PTPN23: variants seen among roughly 807,000 people sequenced by gnomAD.
PTPN23 encodes tyrosine-protein phosphatase non-receptor type 23.
In PTPN23, 72 loss-of-function variants were observed where a neutral mutation model predicts 156.3. That is an observed-to-expected ratio of 0.46 (90% CI 0.38 to 0.56). The LOEUF is 0.56. Ranked by LOEUF, PTPN23 falls within the 20% of genes least tolerant of loss-of-function variation. The pLI is 0.00. For missense variants in PTPN23, 1,974 were observed against 2,171.5 expected (o/e 0.91, Z 1.81); for synonymous variants, 957 against 899.6 (o/e 1.06, Z -1.14).
rs144727132 is a variant in PTPN23, at chr3:47,401,834, C to T, written c.160-2818C>T. Among the ~76,000 whole-genome samples the T allele has an allele frequency of 6.7e-3, 1,024 of 152,312 alleles. 9 individuals carry two copies. Among genetic ancestry groups the T allele is most frequent in the Non-Finnish European group, 0.011 (726 of 68,042 alleles). ...TTATCATCCCTGTTTAAAGAAGAGA[C>T]TGAGTTTCAGAGTCTCCCAAGACAC... On this transcript the variant is annotated intron_variant, in intron 2 of 24. Coordinates refer to ENST00000265562, the MANE Select transcript of PTPN23 (RefSeq NM_015466.4).
chr3:47,392,243 TG>T (rs1433429800), intron 1 of PTPN23, among the ~76,000 whole-genome samples: 1 of 152,102 alleles, frequency 6.6e-6, no homozygotes, highest in Non-Finnish European at 1.5e-5. Flanking sequence ...TGAAGTAAGG[TG>T]GTGCCATCAT....
At position 47,412,756 on chromosome 3, in the gene PTPN23, C is replaced by T; in HGVS notation, c.4482C>T (p.Pro1494=). ...SQDLVLGGDV[P]ISSIQATIAK... is the part of the protein sequence containing the mutation. The stretch of plus-strand genomic sequence containing the variant: ...ACCTGGTCCTCGGTGGGGATGTGCC[C>T]ATCAGCTCCATCCAGGCCACCATTG... The change falls in exon 25 of 25, where the codon CCC becomes CCT. Residue 1494 remains proline (P), a synonymous_variant. Transcript: ENST00000265562. 6.2e-7 allele frequency: 1 copy of T among 1,610,350 alleles called. No individual in the cohort carries two copies. The highest frequency in any genetic ancestry group is 8.5e-7 in the Non-Finnish European group (1 of 1,177,826).
chr3:47,399,106 G>A lies in PTPN23; in HGVS notation c.159+2889G>A, dbSNP rs572426409. Among the ~76,000 whole-genome samples, 4 of 152,346 alleles carry A rather than the reference G, an allele frequency of 2.6e-5. No individual in the cohort carries two copies. The South Asian group carries it at 8.3e-4, about 32-fold the overall frequency. On this transcript the variant is annotated intron_variant, in intron 2 of 24. Transcript: ENST00000265562. ...TACAGCCGTGGAGGGAGGTGCAATA[G>A]TGGAGGAGCTGCCTCTTTCTCTGTA...
At position 47,405,734 on chromosome 3, in the gene PTPN23, CCCCT is replaced by C. The variant is rs761289872; in HGVS notation, c.365-7_365-4del. On this transcript the variant is annotated splice_polypyrimidine_tract_variant and intron_variant, in intron 4 of 24. Coordinates refer to ENST00000265562, the MANE Select transcript of PTPN23 (RefSeq NM_015466.4). This position sits in a 1 kb window ranked among gnomAD's most constrained non-coding sequence, Gnocchi z 4.7. ...AGCAGCCCCAGGCCCCTAACACTGT[CCCCT>C]CCCTCCCCAGGAGCGCTGCACTCCA... 4.4e-6 allele frequency: 7 copies of C among 1,598,600 alleles called. No individual in the cohort carries two copies. Among genetic ancestry groups the C allele is most frequent in the Non-Finnish European group, 5.1e-6 (6 of 1,173,478 alleles).
Position 47,396,088 on chromosome 3 carries a change from G to A in PTPN23, c.85-55G>A, listed in dbSNP as rs1324175238. The A allele has an allele frequency of 4.8e-6, 7 of 1,455,130 alleles. No homozygotes were observed. The Admixed American group carries it at 1.3e-4, about 26-fold the overall frequency. The allele number at this position is 1,455,130 out of a possible 1,614,324, so 90.1% of individuals were successfully genotyped here. ...CTGGTTGGTGCTTGCCCAGGACTCA[G>A]AGGGCAAGGCGGGGGTCTTCTCTGC... is the stretch of plus-strand genomic sequence containing the variant. On this transcript the variant is annotated intron_variant, in intron 1 of 24. Transcript: ENST00000265562.
rs1704523198 is a variant in PTPN23 at position 47,381,045 on chromosome 3, G to A, written c.-52G>A. On this transcript the variant is annotated 5_prime_UTR_variant, in exon 1 of 25. Transcript: ENST00000265562. ...CGGGGCTGGGCTCGTGGCTGAGCCA[G>A]CAGCTGCAGCAGCTACGGGAGTGGC... is the stretch of plus-strand genomic sequence containing the variant. The A allele has an allele frequency of 6.5e-7, 1 of 1,550,254 alleles. No homozygotes were observed. The highest frequency in any genetic ancestry group is 8.7e-7 in the Non-Finnish European group (1 of 1,146,912).
intron 1 of PTPN23, among the ~76,000 whole-genome samples, chr3:47,390,452 T>G (rs1025378125): frequency 6.6e-6 from 1 of 152,220 alleles, no homozygotes; most frequent in East Asian, 1.9e-4. Context: ...TTCTCTGGTC[T>G]TCTTCCTGTT....
chr3:47,383,986 C>T (rs2107689873), intron 1 of PTPN23, among the ~76,000 whole-genome samples: 1 of 152,280 alleles, frequency 6.6e-6, no homozygotes, highest in African/African-American at 2.4e-5. Flanking sequence ...GTGGGAACCT[C>T]TGCCAGTGAA....
Position 47,410,436 on chromosome 3 carries a change from G to GCCA in PTPN23, c.2646_2648dup (p.Thr883dup). On this transcript the variant is annotated inframe_insertion, in exon 20 of 25. Transcript: ENST00000265562. The stretch of plus-strand genomic sequence containing the variant: ...CGAGTTGGCCATGGCGGTTCGGCCA[G>GCCA]CCACCACCACAGTAGATAGCATCCA... 1 of 1,611,308 alleles carries GCCA rather than the reference G, an allele frequency of 6.2e-7. No individual in the cohort carries two copies. The highest frequency in any genetic ancestry group is 8.5e-7 in the Non-Finnish European group (1 of 1,179,348).
intron 1 of PTPN23, among the ~76,000 whole-genome samples, chr3:47,384,410 A>T (rs1424075746): frequency 2.3e-5 from 3 of 132,838 alleles, no homozygotes; most frequent in Admixed American, 9.0e-5. Flanking sequence ...GTGAGCCAGG[A>T]TCGTGCCACT....
At position 47,407,664 on chromosome 3, in the gene PTPN23, T is replaced by C. The variant is rs1474362074; in HGVS notation, c.1004-33T>C. ...AGGAGGCTGCCTCAAGGACTCTGCG[T>C]GGGCCTGATCTCCACAATTCCCACC... On this transcript the variant is annotated intron_variant, in intron 12 of 24. Transcript: ENST00000265562. The surrounding 1 kb of genome is among the most constrained non-coding windows in gnomAD (Gnocchi z 4.0). 2 of 1,609,292 alleles carry C rather than the reference T, an allele frequency of 1.2e-6. No individual in the cohort carries two copies. The highest frequency in any genetic ancestry group is 2.7e-5 in the African/African-American group (2 of 74,778).
At chr3:47,403,362 CT>C (rs914580109) in intron 2 of PTPN23, among the ~76,000 whole-genome samples, 48 of 149,678 alleles carry the variant, frequency 3.2e-4, no homozygotes, top group South Asian at 1.1e-3. Context: ...ACATTCTTTT[CT>C]TTTTTTTTTC....
chr3:47,409,696 C>A lies in PTPN23; in HGVS notation c.1991C>A (p.Ala664Asp). Residue 664 changes from alanine to aspartate, a missense_variant, in exon 19 of 25, where the codon GCC becomes GAC. By Grantham distance (126) the Ala-to-Asp change is moderately radical. Around this residue, in one of 4 missense-constraint regions of PTPN23, gnomAD observed 726 missense variants for 929.5 expected, o/e 0.78. Coordinates refer to ENST00000265562, the MANE Select transcript of PTPN23 (RefSeq NM_015466.4). ...CAGACCCTGGTGGCCTCGTATGAAG[C>A]CTATGAGGACCTGATGAAGAAGTCG... ...TLQTLVASYEAYEDLMKKSQE... is the reference protein window; with the variant it reads ...TLQTLVASYEDYEDLMKKSQE... The A allele has an allele frequency of 6.2e-7, 1 of 1,609,316 alleles. No individual in the cohort carries two copies. Among genetic ancestry groups the A allele is most frequent in the Non-Finnish European group, 8.5e-7 (1 of 1,179,844 alleles).
chr3:47,413,237 A>G lies in PTPN23; in HGVS notation c.*52A>G, dbSNP rs1705376799. ...ACTACATCATCATCATCTCATGCCC[A>G]CCTGCCCACACCCAGCAGAGCTTCT... On this transcript the variant is annotated 3_prime_UTR_variant, in exon 25 of 25. Coordinates refer to ENST00000265562, the MANE Select transcript of PTPN23 (RefSeq NM_015466.4). The G allele has an allele frequency of 6.4e-7, 1 of 1,552,264 alleles. No homozygotes were observed. Among genetic ancestry groups the G allele is most frequent in the Admixed American group, 1.8e-5 (1 of 54,508 alleles).
rs1173925552 is a variant in PTPN23, at chr3:47,411,929, C to G, written c.4035C>G (p.Arg1345=). The G allele has an allele frequency of 6.2e-7, 1 of 1,613,240 alleles. No homozygotes were observed. The highest frequency in any genetic ancestry group is 8.5e-7 in the Non-Finnish European group (1 of 1,179,864). Residue 1345 remains arginine, a synonymous_variant, in exon 21 of 25, where the codon CGC becomes CGG. Coordinates refer to ENST00000265562, the MANE Select transcript of PTPN23 (RefSeq NM_015466.4). This position sits in a 1 kb window ranked among gnomAD's most constrained non-coding sequence, Gnocchi z 6.3. ...SLQFRDQSLK[R]SLVHLHFPTW... ...AGTTCCGAGACCAGAGCCTCAAGCG[C>G]TCTCTTGTGCACCTGCACTTCCCCA...
Position 47,405,286 on chromosome 3 carries a change from C to G in PTPN23, c.364+205C>G. ...GGGGAGCCTCTGCTGGGGCGAGGCT[C>G]TACTGGGCTGGCTGCCACACAGAGT... On this transcript the variant is annotated intron_variant, in intron 4 of 24. Coordinates refer to ENST00000265562, the MANE Select transcript of PTPN23 (RefSeq NM_015466.4). This position sits in a 1 kb window ranked among gnomAD's most constrained non-coding sequence, Gnocchi z 4.7. 1.7e-6 allele frequency: 1 copy of G among 598,054 alleles called. No homozygotes were observed. Among genetic ancestry groups the G allele is most frequent in the South Asian group, 2.0e-5 (1 of 50,758 alleles). 37.0% of individuals were successfully genotyped at this position (598,054 alleles called of 1,614,324 possible).
Position 47,406,303 on chromosome 3 carries a change from T to G in PTPN23, c.547-22T>G. The G allele has an allele frequency of 3.7e-6, 6 of 1,612,388 alleles. No homozygotes were observed. Among genetic ancestry groups the G allele is most frequent in the Non-Finnish European group, 5.1e-6 (6 of 1,179,606 alleles). Reference sequence around the variant, plus strand: ...GGGAGGCCTTGGGTGAGCGAGGGAGTGCACCTCACGTGTCGCCCCAGGGCC... The same window carrying G: ...GGGAGGCCTTGGGTGAGCGAGGGAGGGCACCTCACGTGTCGCCCCAGGGCC... On this transcript the variant is annotated intron_variant, in intron 6 of 24. Transcript: ENST00000265562. This position sits in a 1 kb window ranked among gnomAD's most constrained non-coding sequence, Gnocchi z 5.8.
chr3:47,405,275 G>A lies in PTPN23; in HGVS notation c.364+194G>A, dbSNP rs1705095337. ...GCTGGGCCCGTGGGGAGCCTCTGCTGGGGCGAGGCTCTACTGGGCTGGCTG... is the reference window on the plus strand; with the variant it reads ...GCTGGGCCCGTGGGGAGCCTCTGCTAGGGCGAGGCTCTACTGGGCTGGCTG... On this transcript the variant is annotated intron_variant, in intron 4 of 24. Coordinates refer to ENST00000265562, the MANE Select transcript of PTPN23 (RefSeq NM_015466.4). This position sits in a 1 kb window ranked among gnomAD's most constrained non-coding sequence, Gnocchi z 4.7. The A allele has an allele frequency of 3.3e-6, 2 of 609,750 alleles. No individual in the cohort carries two copies. Among genetic ancestry groups the A allele is most frequent in the East Asian group, 2.8e-5 (1 of 35,974 alleles). The allele number at this position is 609,750 out of a possible 1,614,324, so 37.8% of individuals were successfully genotyped here.
chr3:47,381,305 G>T, intron 1 of PTPN23, 125 bp downstream of exon 1: 1 of 1,350,186 alleles, frequency 7.4e-7, no homozygotes, highest in Non-Finnish European at 1.0e-6. Flanking sequence ...AGGCCAGGAG[G>T]GGCCTTCGCC....
Sources: gnomAD v4.1 joint callset for allele counts (sites outside exome capture counted in the v4.1 genomes callset) on GRCh38, gnomAD v4.1.1 for gene constraint, gnomAD v4.1.1 regional missense constraint, Gnocchi (gnomAD v3.1) non-coding constraint, MANE v1.5 for transcripts, NCBI Gene and HGNC (gene_info 2026-07-23, HGNC 2026-07-21) for gene names.